The following FGF13 variants were observed in gnomAD, a reference collection of about 807,000 sequenced individuals.
FGF13 encodes fibroblast growth factor homologous factor 2.
Under a neutral mutation model 19.5 loss-of-function variants are expected in FGF13, and 2 were observed. That is an observed-to-expected ratio of 0.10 (90% CI 0.04 to 0.32). The LOEUF (loss-of-function observed/expected upper bound fraction) is 0.32, where lower values mean the gene tolerates loss of function less well. Among genes scored for constraint, FGF13 ranks in the 10% least tolerant of loss-of-function variants. FGF13 has a pLI of 1.00. For missense variants in FGF13, 113 were observed against 192.7 expected (o/e 0.59, Z 2.45); for synonymous variants, 72 against 76.9 (o/e 0.94, Z 0.33).
chrX:138,967,450 T>A (rs5931526), intron 1 of FGF13, among the ~76,000 whole-genome samples: 2 of 110,581 alleles, frequency 1.8e-5, no homozygotes, highest in Non-Finnish European at 3.8e-5. Context: ...GAAAAAACAA[T>A]GTTTTGTGAC....
At chrX:138,918,639 C>T (rs2091630060) in intron 1 of FGF13, among the ~76,000 whole-genome samples, 1 of 111,714 alleles carries the variant, frequency 9.0e-6, no homozygotes, top group Non-Finnish European at 1.9e-5. Flanking sequence ...ACAGTCTCTT[C>T]TCTCATGCAA....
chrX:138,685,686 T>C (rs753294227), intron 3 of FGF13, among the ~76,000 whole-genome samples: 10 of 111,664 alleles, frequency 9.0e-5, no homozygotes, highest in African/African-American at 3.2e-4. Context: ...TGTATTTTAA[T>C]ATTATTACAC....
At chrX:138,867,450 C>T (rs936127685) in intron 1 of FGF13, among the ~76,000 whole-genome samples, 1 of 110,306 alleles carries the variant, frequency 9.1e-6, no homozygotes, top group Non-Finnish European at 1.9e-5. Flanking sequence ...CTGATAAAGA[C>T]ATACCCCAGA....
At chrX:138,808,987 T>C (rs1012333920) in intron 3 of FGF13, among the ~76,000 whole-genome samples, 2 of 111,486 alleles carry the variant, frequency 1.8e-5, no homozygotes, top group African/African-American at 3.3e-5. Flanking sequence ...CAGGACCTGA[T>C]GGATTCACAG....
At chrX:138,693,763 C>A (rs1165285508) in intron 3 of FGF13, among the ~76,000 whole-genome samples, 3 of 111,377 alleles carry the variant, frequency 2.7e-5, no homozygotes, top group Non-Finnish European at 5.7e-5. Context: ...TACCTTTGTG[C>A]CTATGCTTTT....
chrX:138,778,474 C>A (rs943855433), intron 3 of FGF13, among the ~76,000 whole-genome samples: 1 of 111,983 alleles, frequency 8.9e-6, no homozygotes, highest in Non-Finnish European at 1.9e-5. Context: ...GTGCGCGAGC[C>A]GAAGCAGGGC....
chrX:138,945,182 A>G (rs2091775976), intron 1 of FGF13, among the ~76,000 whole-genome samples: 1 of 111,254 alleles, frequency 9.0e-6, no homozygotes, highest in Non-Finnish European at 1.9e-5. Flanking sequence ...ATGTAGTATA[A>G]TGGAGGGCTT....
At chrX:138,962,519 C>A in intron 1 of FGF13, among the ~76,000 whole-genome samples, 1 of 112,282 alleles carries the variant, frequency 8.9e-6, no homozygotes, top group Non-Finnish European at 1.9e-5. Context: ...GATTATAAAT[C>A]ATGCTATCAT....
At chrX:138,879,144 T>G (rs372322443) in intron 1 of FGF13, among the ~76,000 whole-genome samples, 4 of 111,841 alleles carry the variant, frequency 3.6e-5, no homozygotes, top group African/African-American at 1.3e-4. Flanking sequence ...ATTGTCATGT[T>G]CTTATTGGAC....
chrX:138,941,657 T>A (rs190096331), intron 1 of FGF13, among the ~76,000 whole-genome samples: 14 of 112,302 alleles, frequency 1.2e-4, no homozygotes, highest in African/African-American at 4.5e-4. Flanking sequence ...GCTATTCCTT[T>A]CAAAATCCTC....
chrX:138,639,001 A>G (rs899554430), intron 3 of FGF13, among the ~76,000 whole-genome samples: 2 of 111,857 alleles, frequency 1.8e-5, no homozygotes, highest in African/African-American at 6.5e-5. Flanking sequence ...ATGAGGCCAA[A>G]AAAAGAATGC....
At chrX:139,173,380 A>T (rs944736087) in intron 1 of FGF13, among the ~76,000 whole-genome samples, 9 of 109,794 alleles carry the variant, frequency 8.2e-5, no homozygotes, top group Non-Finnish European at 9.5e-5. Flanking sequence ...ATATGAATAT[A>T]AATATAATAT....
At chrX:138,984,526 A>G (rs1486601019) in intron 1 of FGF13, among the ~76,000 whole-genome samples, 14 of 17,571 alleles carry the variant, frequency 8.0e-4, no homozygotes, top group Admixed American at 2.8e-3. Flanking sequence ...AAGAAGAGGA[A>G]GAAGAAGAAG....
chrX:138,952,785 C>T (rs1157040234), intron 1 of FGF13, among the ~76,000 whole-genome samples: 9 of 111,408 alleles, frequency 8.1e-5, no homozygotes, highest in African/African-American at 2.9e-4. Flanking sequence ...ACAGACACTT[C>T]TCAAAAGAAG....
chrX:139,034,800 T>C (rs1427358724), intron 1 of FGF13, among the ~76,000 whole-genome samples: 1 of 112,136 alleles, frequency 8.9e-6, no homozygotes. Context: ...TGTTGGGGAA[T>C]TGGAGTTAGG....
chrX:139,074,059 A>C (rs927036284), intron 1 of FGF13, among the ~76,000 whole-genome samples: 12 of 112,299 alleles, frequency 1.1e-4, no homozygotes, highest in African/African-American at 3.9e-4. Flanking sequence ...TTTCCTAAAT[A>C]AGTGTATCTG....
At chrX:138,809,259 G>C (rs1431148139) in intron 3 of FGF13, among the ~76,000 whole-genome samples, 16 of 111,810 alleles carry the variant, frequency 1.4e-4, no homozygotes, top group Non-Finnish European at 3.8e-5. Context: ...GATCAAGTTG[G>C]CTTCATCCCT....
intron 3 of FGF13, among the ~76,000 whole-genome samples, chrX:138,659,101 A>C (rs1049246292): frequency 8.9e-6 from 1 of 111,960 alleles, no homozygotes; most frequent in Non-Finnish European, 1.9e-5. Context: ...ACTTGAAAAA[A>C]TGAATGACAG....
At chrX:138,961,258 C>T (rs1364992129) in intron 1 of FGF13, among the ~76,000 whole-genome samples, 1 of 111,809 alleles carries the variant, frequency 8.9e-6, no homozygotes, top group East Asian at 2.8e-4. Flanking sequence ...TTCCTTCTAA[C>T]AGTCAGGACC....
Sources: gnomAD v4.1 joint callset for allele counts (sites outside exome capture counted in the v4.1 genomes callset) on GRCh38, gnomAD v4.1.1 for gene constraint, MANE v1.5 for transcripts, NCBI Gene and HGNC (gene_info 2026-07-23, HGNC 2026-07-21) for gene names.